The following MROH9 variants were observed in gnomAD, a reference collection of about 807,000 sequenced individuals.
The protein encoded by MROH9 is maestro heat like repeat family member 9, also known as maestro heat-like repeat-containing protein family member 9.
In MROH9, 92 loss-of-function variants were observed where a neutral mutation model predicts 98.2. The ratio of observed to expected loss-of-function variants is 0.94; its 90% confidence interval spans 0.79 to 1.11. The LOEUF is 1.11. Among genes scored for constraint, MROH9 ranks in the 50% most tolerant of loss-of-function variants. The probability of loss-of-function intolerance (pLI) is 0.00; values close to 1 mark genes in which losing one functional copy is unlikely to be tolerated. For synonymous variants in MROH9, 397 were observed against 368.9 expected (o/e 1.08, Z -0.87); for missense variants, 1,057 against 1,014.8 (o/e 1.04, Z -0.57).
chr1:171,005,963 C>T (rs1651940507), intron 15 of MROH9, among the ~76,000 whole-genome samples: 1 of 152,010 alleles, frequency 6.6e-6, no homozygotes, highest in Non-Finnish European at 1.5e-5. Flanking sequence ...ATGTGATTTA[C>T]ACACCATCCC....
Position 171,036,586 on chromosome 1 carries a change from T to A in MROH9, c.2281+11166T>A, listed in dbSNP as rs80182649. On this transcript the variant is annotated intron_variant, in intron 20 of 21. Transcript: ENST00000367759. ...TCTCACACAGGTGCATCTGGAGACA[T>A]GTAGAAGTTTATTGCCCTATTATTA... 6.9e-3 allele frequency among the ~76,000 whole-genome samples: 1,048 copies of A among 152,060 alleles called. 11 individuals carry two copies. Among genetic ancestry groups the A allele is most frequent in the African/African-American group, 0.024 (1,011 of 41,528 alleles).
At chr1:171,049,222 T>A (rs1447590371) in intron 20 of MROH9, among the ~76,000 whole-genome samples, 2 of 152,074 alleles carry the variant, frequency 1.3e-5, no homozygotes, top group African/African-American at 4.8e-5. Context: ...CAAAGTCAGG[T>A]GAGCATGCAT....
chr1:171,004,981 ATT>A (rs113441950), intron 15 of MROH9, among the ~76,000 whole-genome samples: 29 of 147,674 alleles, frequency 2.0e-4, no homozygotes, highest in Middle Eastern at 3.5e-3. Flanking sequence ...CACAAACCTT[ATT>A]TTTTTTTTTC....
At position 171,014,199 on chromosome 1, in the gene MROH9, T is replaced by C. The variant is rs1293277609; in HGVS notation, c.1679T>C (p.Val560Ala). 3 of 1,551,220 alleles carry C rather than the reference T, an allele frequency of 1.9e-6. No homozygotes were observed. Among genetic ancestry groups the C allele is most frequent in the Non-Finnish European group, 2.6e-6 (3 of 1,146,650 alleles). The change falls in exon 16 of 22, where the codon GTA becomes GCA. Residue 560 changes from valine (V) to alanine (A), a missense_variant. Transcript: ENST00000367759. ...FINWINDSNPVVSRLILHRIV... is the reference protein window; with the variant it reads ...FINWINDSNPAVSRLILHRIV... ...AACTGGATCAATGATTCCAATCCTGTAGTTAGCAGACTGATCCTTCATAGA... is the reference window on the plus strand; with the variant it reads ...AACTGGATCAATGATTCCAATCCTGCAGTTAGCAGACTGATCCTTCATAGA...
At chr1:170,976,829 A>G (rs1424800313) in intron 8 of MROH9, among the ~76,000 whole-genome samples, 5 of 152,194 alleles carry the variant, frequency 3.3e-5, no homozygotes, top group African/African-American at 1.2e-4. Flanking sequence ...AATGTTTCCA[A>G]GTTGTTGGCT....
In MROH9 at chr1:170,959,285, G is replaced by A. The variant is rs1029681345; in HGVS notation, c.153-177G>A. Among the ~76,000 whole-genome samples, 26 of 152,270 alleles carry A rather than the reference G, an allele frequency of 1.7e-4. No individual in the cohort carries two copies. The South Asian group carries it at 2.1e-3, about 12-fold the overall frequency. On this transcript the variant is annotated intron_variant, in intron 4 of 21. Transcript: ENST00000367759. ...AGCTACTCAGGAGGCTGAGGCAGGA[G>A]AATGGTGTGAACCCGGGAGGTGGAG...
At chr1:171,035,329 CA>C (rs1653063480) in intron 20 of MROH9, among the ~76,000 whole-genome samples, 2 of 151,390 alleles carry the variant, frequency 1.3e-5, no homozygotes, top group Admixed American at 1.3e-4. Context: ...AACATAGAGA[CA>C]AATAATCATG....
At chr1:170,956,141 T>C (rs2101885265) in intron 3 of MROH9, among the ~76,000 whole-genome samples, 1 of 152,330 alleles carries the variant, frequency 6.6e-6, no homozygotes, top group African/African-American at 2.4e-5. Flanking sequence ...TTTGGGTTTA[T>C]TTCTGGATTC....
chr1:171,023,648 T>C (rs180891521), intron 17 of MROH9, among the ~76,000 whole-genome samples: 1 of 152,320 alleles, frequency 6.6e-6, no homozygotes, highest in Admixed American at 6.5e-5. Flanking sequence ...TAAAATTATA[T>C]ATATTTACAG....
intron 2 of MROH9, among the ~76,000 whole-genome samples, chr1:170,946,471 A>G (rs982332324): frequency 9.2e-5 from 14 of 152,138 alleles, no homozygotes; most frequent in African/African-American, 2.9e-4. Flanking sequence ...AGAAAAGGAT[A>G]TTAGTGGAAA....
Position 170,947,555 on chromosome 1 carries a change from T to A in MROH9, c.54T>A (p.Ser18Arg), listed in dbSNP as rs775606411. ...GTAGTCTCCAGATTCTGCAAGACAG[T>A]GTGAAATGGCACCACATGGTAAGTG... ...TKSSLQILQD[S>R]VKWHHMAHKV... is the part of the protein sequence containing the mutation. The change falls in exon 3 of 22, where the codon AGT (serine) becomes AGA (arginine). Residue 18 changes from serine to arginine, a missense_variant. Ser to Arg is a moderately radical substitution (Grantham distance 110, BLOSUM62 -1). Coordinates refer to ENST00000367759, the MANE Select transcript of MROH9 (RefSeq NM_001163629.2). 1 of 1,610,860 alleles carries A rather than the reference T, an allele frequency of 6.2e-7. No individual in the cohort carries two copies. Among genetic ancestry groups the A allele is most frequent in the Non-Finnish European group, 8.5e-7 (1 of 1,177,804 alleles).
intron 7 of MROH9, among the ~76,000 whole-genome samples, chr1:170,967,020 T>C (rs1184776610): frequency 6.6e-6 from 1 of 152,180 alleles, no homozygotes; most frequent in East Asian, 1.9e-4. Context: ...GATAGGCATT[T>C]TGGAGTTTCA....
At chr1:171,001,818 G>C (rs1398831023) in intron 15 of MROH9, among the ~76,000 whole-genome samples, 1 of 152,086 alleles carries the variant, frequency 6.6e-6, no homozygotes, top group Non-Finnish European at 1.5e-5. Flanking sequence ...TTGATGACTT[G>C]TTTAGTGCTG....
At chr1:170,947,375 A>C in intron 2 of MROH9, 152 bp from the exon 3 acceptor site, 1 of 604,502 alleles carries the variant, frequency 1.7e-6, no homozygotes, top group Non-Finnish European at 3.0e-6. Context: ...TACTCACAGT[A>C]AATTTGTCTA....
intron 11 of MROH9, among the ~76,000 whole-genome samples, chr1:170,990,623 G>T (rs1651321773): frequency 1.3e-5 from 2 of 152,168 alleles, no homozygotes; most frequent in Non-Finnish European, 2.9e-5. Flanking sequence ...ATAAACATTG[G>T]AAATCAAGGT....
intron 2 of MROH9, 145 bp downstream of exon 2, chr1:170,945,726 G>A (rs1407650708): frequency 1.6e-6 from 1 of 628,808 alleles, no homozygotes; most frequent in East Asian, 3.2e-5. Context: ...AATGCCCGTA[G>A]AACGTTCACA....
intron 20 of MROH9, among the ~76,000 whole-genome samples, chr1:171,050,076 C>G (rs1653617217): frequency 6.6e-6 from 1 of 152,166 alleles, no homozygotes; most frequent in South Asian, 2.1e-4. Flanking sequence ...TTCTCTCATC[C>G]TATGGATTGT....
chr1:170,974,528 G>GA (rs199760478), intron 8 of MROH9, among the ~76,000 whole-genome samples: 15 of 148,812 alleles, frequency 1.0e-4, no homozygotes, highest in African/African-American at 2.5e-4. Flanking sequence ...ATACAGAAAA[G>GA]AAAAAAAAAG....
chr1:170,996,341 G>C (rs533447601), intron 13 of MROH9, among the ~76,000 whole-genome samples, 166 bp from the exon 14 acceptor site: 1 of 152,120 alleles, frequency 6.6e-6, no homozygotes, highest in Non-Finnish European at 1.5e-5. Context: ...CCCATGTACT[G>C]TTAATCAGGG....
Sources: allele counts gnomAD v4.1 joint callset (sites outside exome capture counted in the v4.1 genomes callset), GRCh38; gene constraint gnomAD v4.1.1; transcripts MANE v1.5; gene names NCBI Gene and HGNC (gene_info 2026-07-23, HGNC 2026-07-21).